CNTN4: variants seen among roughly 807,000 people sequenced by gnomAD.
The protein encoded by CNTN4 is contactin-4.
A neutral mutation model predicts 122.5 loss-of-function variants in CNTN4; 77 were observed. That is an observed-to-expected ratio of 0.63 (90% CI 0.52 to 0.76). The LOEUF (loss-of-function observed/expected upper bound fraction) is 0.76. CNTN4 is among the 30% of genes least tolerant of loss of function. The pLI is 0.00. For missense variants in CNTN4, 1,256 were observed against 1,259.1 expected, an observed-to-expected ratio of 1.00 and a Z score of 0.04; for synonymous variants, 512 against 447.0, an observed-to-expected ratio of 1.15 and a Z score of -1.83.
chr3:2,920,950 G>C (rs1311628390), intron 12 of CNTN4, among the ~76,000 whole-genome samples: 2 of 152,126 alleles, frequency 1.3e-5, no homozygotes, highest in East Asian at 3.8e-4. Context: ...CACTAGAAGG[G>C]GCACATCATG....
intron 8 of CNTN4, 128 bp downstream of exon 8, chr3:2,867,077 A>G (rs2093731926): frequency 4.8e-6 from 4 of 827,166 alleles, no homozygotes; most frequent in Admixed American, 2.0e-5. Flanking sequence ...ACTGCAGCCT[A>G]TATTTGGTAC....
intron 2 of CNTN4, among the ~76,000 whole-genome samples, chr3:2,191,288 A>G (rs1031229172): frequency 1.3e-5 from 2 of 151,272 alleles, no homozygotes; most frequent in African/African-American, 4.9e-5. Context: ...CAGACATAGA[A>G]CTCAACTACC....
chr3:2,596,304 C>T (rs2080767800), intron 4 of CNTN4, among the ~76,000 whole-genome samples: 1 of 152,084 alleles, frequency 6.6e-6, no homozygotes, highest in Admixed American at 6.6e-5. Context: ...AATTAATTTA[C>T]TAAACAAATT....
At chr3:2,539,441 G>C (rs557273741) in intron 3 of CNTN4, among the ~76,000 whole-genome samples, 1 of 152,084 alleles carries the variant, frequency 6.6e-6, no homozygotes, top group South Asian at 2.1e-4. Flanking sequence ...AAACAAATAA[G>C]ATTTTTCTTA....
chr3:2,598,166 A>G (rs917406687), intron 4 of CNTN4, among the ~76,000 whole-genome samples: 2 of 152,154 alleles, frequency 1.3e-5, no homozygotes, highest in Non-Finnish European at 2.9e-5. Context: ...AGTGACCTCC[A>G]GTATCAAACA....
chr3:2,141,756 A>G (rs890128749), intron 2 of CNTN4, among the ~76,000 whole-genome samples: 8 of 152,076 alleles, frequency 5.3e-5, no homozygotes, highest in Non-Finnish European at 1.0e-4. Context: ...CAGGTTTACT[A>G]CAAGCAGAAT....
chr3:2,260,732 A>AT (rs3077120), intron 2 of CNTN4, among the ~76,000 whole-genome samples: 13,475 of 147,120 alleles, frequency 0.092, 1,094 homozygotes, highest in African/African-American at 0.21. Flanking sequence ...TTATTTATTT[A>AT]TTTTTTTTTT....
chr3:2,685,996 C>G (rs139790839), intron 4 of CNTN4, among the ~76,000 whole-genome samples: 1 of 152,154 alleles, frequency 6.6e-6, no homozygotes, highest in Non-Finnish European at 1.5e-5. Flanking sequence ...AGTTGTATTT[C>G]AATCCCAGAG....
At chr3:2,410,806 C>T (rs553432922) in intron 3 of CNTN4, among the ~76,000 whole-genome samples, 1 of 152,300 alleles carries the variant, frequency 6.6e-6, no homozygotes, top group Non-Finnish European at 1.5e-5. Context: ...TTACCTCTTT[C>T]TAGTTTCATA....
intron 6 of CNTN4, among the ~76,000 whole-genome samples, chr3:2,765,083 T>C (rs1306287499): frequency 1.3e-5 from 2 of 152,206 alleles, no homozygotes; most frequent in African/African-American, 2.4e-5. Context: ...AGTTTAGAAT[T>C]TGATGGTAAT....
chr3:2,490,245 G>A (rs569322380), intron 3 of CNTN4, among the ~76,000 whole-genome samples: 7 of 152,300 alleles, frequency 4.6e-5, no homozygotes, highest in South Asian at 2.1e-4. Flanking sequence ...GCTTTCTGCC[G>A]GTGTAGGCTG....
At chr3:2,578,695 T>C (rs2079803357) in intron 4 of CNTN4, among the ~76,000 whole-genome samples, 2 of 152,302 alleles carry the variant, frequency 1.3e-5, no homozygotes, top group East Asian at 3.9e-4. Context: ...TGTTTCTCTT[T>C]GTAAGAAAAT....
chr3:2,377,634 C>T lies in CNTN4; in HGVS notation c.-89+38401C>T, dbSNP rs541854206. Among the ~76,000 whole-genome samples the T allele has an allele frequency of 5.0e-4, 76 of 152,278 alleles. 1 individual carries two copies. Among genetic ancestry groups the T allele is most frequent in the Middle Eastern group, 3.4e-3 (1 of 294 alleles). ...AGCTGAGACAGTAAAACTGAAGATA[C>T]CCGGAATATTTATAACATATGTTTG... On this transcript the variant is annotated intron_variant, in intron 3 of 24. Transcript: ENST00000418658.
At chr3:2,200,930 T>G (rs1044276059) in intron 2 of CNTN4, among the ~76,000 whole-genome samples, 13 of 152,176 alleles carry the variant, frequency 8.5e-5, no homozygotes, top group Non-Finnish European at 1.2e-4. Context: ...TGGTAGAAAG[T>G]CTGGTTATAA....
At chr3:2,147,108 T>G (rs2035281632) in intron 2 of CNTN4, among the ~76,000 whole-genome samples, 1 of 152,142 alleles carries the variant, frequency 6.6e-6, no homozygotes, top group South Asian at 2.1e-4. Context: ...CTTGATCTCT[T>G]GACCTCGTGA....
At chr3:2,387,790 T>A (rs72996013) in intron 3 of CNTN4, among the ~76,000 whole-genome samples, 25,082 of 152,176 alleles carry the variant, frequency 0.16, 2,543 homozygotes, top group Middle Eastern at 0.26. Flanking sequence ...TATTCTTCAT[T>A]ATTTCTTATG....
At chr3:2,606,198 G>A (rs967929834) in intron 4 of CNTN4, among the ~76,000 whole-genome samples, 1 of 152,190 alleles carries the variant, frequency 6.6e-6, no homozygotes, top group African/African-American at 2.4e-5. Context: ...CACTGGGCTT[G>A]GCAGGACAGG....
At chr3:2,169,966 C>T (rs13076303) in intron 2 of CNTN4, among the ~76,000 whole-genome samples, 101,656 of 151,936 alleles carry the variant, frequency 0.67, 34,291 homozygotes, top group Non-Finnish European at 0.71. Flanking sequence ...CTAATGAGTT[C>T]ACTACATGAT....
At chr3:2,529,784 G>T (rs1559643318) in intron 3 of CNTN4, among the ~76,000 whole-genome samples, 1 of 152,074 alleles carries the variant, frequency 6.6e-6, no homozygotes, top group Non-Finnish European at 1.5e-5. Flanking sequence ...TGAGGAGGAG[G>T]AGGAGGAGGA....
Sources: allele counts gnomAD v4.1 joint callset (sites outside exome capture counted in the v4.1 genomes callset), GRCh38; gene constraint gnomAD v4.1.1; transcripts MANE v1.5; gene names NCBI Gene and HGNC (gene_info 2026-07-23, HGNC 2026-07-21).